The following DMGDH variants were observed in gnomAD, a reference collection of about 807,000 sequenced individuals.
The protein encoded by DMGDH is dimethylglycine dehydrogenase, also known as dimethylglycine dehydrogenase, mitochondrial.
In DMGDH, 76 loss-of-function variants were observed where a neutral mutation model predicts 95.2. That is an observed-to-expected ratio of 0.80 (90% CI 0.66 to 0.97). DMGDH has a LOEUF of 0.97. Among genes scored for constraint, DMGDH ranks in the 50% least tolerant of loss-of-function variants. The pLI is 0.00. For missense variants in DMGDH, 987 were observed against 1,055.0 expected (o/e 0.94, Z 0.89); for synonymous variants, 345 against 377.6 (o/e 0.91, Z 1.00).
At chr5:79,004,468 T>C (rs979011349) in intron 15 of DMGDH, among the ~76,000 whole-genome samples, 1 of 152,218 alleles carries the variant, frequency 6.6e-6, no homozygotes, top group Non-Finnish European at 1.5e-5. Flanking sequence ...AAGCTGACCC[T>C]GTTCATTGTG....
chr5:79,036,778 C>A (rs1031024316), intron 7 of DMGDH, among the ~76,000 whole-genome samples: 1 of 152,160 alleles, frequency 6.6e-6, no homozygotes, highest in Non-Finnish European at 1.5e-5. Flanking sequence ...GTCTGGAAAT[C>A]TGTTTGTTTG....
At chr5:79,027,166 T>C (rs962407046) in intron 12 of DMGDH, among the ~76,000 whole-genome samples, 1 of 152,114 alleles carries the variant, frequency 6.6e-6, no homozygotes, top group African/African-American at 2.4e-5. Context: ...CCTGCTTATT[T>C]TTGTGTTCTT....
chr5:79,029,755 T>C lies in DMGDH; in HGVS notation c.1814+149A>G, dbSNP rs566725933. On this transcript the variant is annotated intron_variant, in intron 11 of 15. Coordinates refer to ENST00000255189, the MANE Select transcript of DMGDH (RefSeq NM_013391.3). ...CAGGGGCCCTCACTTCAAATATTTT[T>C]GTATTAAAAAAAATAAAGTTTATTT... 27 of 848,260 alleles carry C rather than the reference T, an allele frequency of 3.2e-5. No individual in the cohort carries two copies. The South Asian group carries it at 5.1e-4, about 16-fold the overall frequency. The allele number at this position is 848,260 out of a possible 1,614,324, so 52.5% of individuals were successfully genotyped here. A position where few individuals can be genotyped will look rare whatever the true frequency, so the allele number is the denominator to read the frequency against.
chr5:79,037,818 C>T (rs1473051274), intron 7 of DMGDH, among the ~76,000 whole-genome samples: 1 of 152,114 alleles, frequency 6.6e-6, no homozygotes, highest in African/African-American at 2.4e-5. Flanking sequence ...TACTAAAATT[C>T]AATTGGAATA....
At chr5:79,061,220 A>AACACAG (rs1755198744) in intron 2 of DMGDH, among the ~76,000 whole-genome samples, 1 of 141,664 alleles carries the variant, frequency 7.1e-6, no homozygotes, top group African/African-American at 2.7e-5. Flanking sequence ...CTCTGTCTCA[A>AACACAG]ACACACACAC....
intron 14 of DMGDH, among the ~76,000 whole-genome samples, chr5:79,017,693 C>G (rs60563713): frequency 0.33 from 50,331 of 152,106 alleles, 9,101 homozygotes; most frequent in African/African-American, 0.48. Context: ...CATACAAATA[C>G]TTGTACACAA....
At chr5:79,055,214 A>G (rs1388018883) in intron 3 of DMGDH, among the ~76,000 whole-genome samples, 1 of 152,250 alleles carries the variant, frequency 6.6e-6, no homozygotes, top group African/African-American at 2.4e-5. Flanking sequence ...TTGGGACAGC[A>G]GGCAGAGGTC....
At chr5:79,036,155 A>C (rs1043527573) in intron 7 of DMGDH, among the ~76,000 whole-genome samples, 2 of 152,242 alleles carry the variant, frequency 1.3e-5, no homozygotes, top group Non-Finnish European at 2.9e-5. Context: ...ATTTAAAAGC[A>C]CTTAGTATAC....
At position 79,032,763 on chromosome 5, in the gene DMGDH, T is replaced by C. The variant is rs1430262594; in HGVS notation, c.1441A>G (p.Lys481Glu). The C allele has an allele frequency of 1.7e-5, 28 of 1,614,160 alleles. No individual in the cohort carries two copies. Among genetic ancestry groups the C allele is most frequent in the Non-Finnish European group, 2.4e-5 (28 of 1,180,008 alleles). The change falls in exon 9 of 16, where the codon AAG becomes GAG. Residue 481 changes from lysine (K) to glutamate (E), a missense_variant. Physicochemically the swap from Lys to Glu is moderately conservative, Grantham distance 56. Transcript: ENST00000255189. ...VSGLYQRLES[K>E]CSMGFHAGWE... ...CCAGCATGGAACCCCATGGAACACT[T>C]AGACTCCAGCCTTTGATAGAGCCCA...
At chr5:79,021,054 A>C in intron 14 of DMGDH, 4 of 985,718 alleles carry the variant, frequency 4.1e-6, no homozygotes, top group Non-Finnish European at 4.8e-6. Flanking sequence ...GAACATACCA[A>C]AAATACCATT....
chr5:79,030,756 T>C, intron 10 of DMGDH, 77 bp downstream of exon 10: 5 of 1,486,792 alleles, frequency 3.4e-6, no homozygotes, highest in Admixed American at 3.6e-5. Context: ...AATCATTAGG[T>C]GAACTAAAAT....
At chr5:79,041,131 C>T (rs571985499) in intron 7 of DMGDH, among the ~76,000 whole-genome samples, 2 of 152,334 alleles carry the variant, frequency 1.3e-5, no homozygotes, top group Non-Finnish European at 2.9e-5. Context: ...AAATTGATCA[C>T]CAAATCTAGA....
At chr5:79,059,412 A>C (rs1755132562) in intron 2 of DMGDH, among the ~76,000 whole-genome samples, 1 of 152,102 alleles carries the variant, frequency 6.6e-6, no homozygotes, top group Non-Finnish European at 1.5e-5. Flanking sequence ...CCCTTCCTCT[A>C]CCTCAGTCAA....
intron 14 of DMGDH, chr5:79,021,772 CAG>C (rs1753873346): frequency 2.5e-6 from 3 of 1,218,268 alleles, no homozygotes; most frequent in Non-Finnish European, 3.2e-6. Context: ...TATATGTTAC[CAG>C]AGAGAGAAAT....
At chr5:78,998,422 G>T in intron 15 of DMGDH, 125 bp from the exon 16 acceptor site, 2 of 870,742 alleles carry the variant, frequency 2.3e-6, no homozygotes, top group Non-Finnish European at 3.7e-6. Context: ...AGTGCTGTCT[G>T]GGGGGACAAC....
chr5:79,038,354 C>A (rs963115173), intron 7 of DMGDH, among the ~76,000 whole-genome samples: 1 of 152,036 alleles, frequency 6.6e-6, no homozygotes, highest in Non-Finnish European at 1.5e-5. Flanking sequence ...TATGGTGGAG[C>A]GTGCTTGTAA....
At chr5:79,042,979 G>A (rs1754558559) in intron 6 of DMGDH, among the ~76,000 whole-genome samples, 3 of 152,176 alleles carry the variant, frequency 2.0e-5, no homozygotes, top group Admixed American at 6.5e-5. Context: ...AAGGAATGGT[G>A]TGGAGGCCTC....
intron 15 of DMGDH, chr5:79,000,663 T>G: frequency 1.6e-6 from 1 of 610,296 alleles, no homozygotes; most frequent in Non-Finnish European, 3.2e-6. Context: ...CTGGGCCTGG[T>G]TCTGTCATCT....
chr5:79,058,382 G>T (rs1755095195), intron 2 of DMGDH, among the ~76,000 whole-genome samples: 1 of 152,180 alleles, frequency 6.6e-6, no homozygotes, highest in African/African-American at 2.4e-5. Flanking sequence ...TATGAAGATG[G>T]CACAATGTTT....
Sources: allele counts gnomAD v4.1 joint callset (sites outside exome capture counted in the v4.1 genomes callset), GRCh38; gene constraint gnomAD v4.1.1; transcripts MANE v1.5; gene names NCBI Gene and HGNC (gene_info 2026-07-23, HGNC 2026-07-21).